The following LASP1 variants were observed in gnomAD, a reference collection of about 807,000 sequenced individuals.
The protein encoded by LASP1 is LIM and SH3 protein 1.
Under a neutral mutation model 38.6 loss-of-function variants are expected in LASP1, and 10 were observed. The observed-to-expected ratio is 0.26, with a 90% CI of 0.16 to 0.44. LASP1 has a LOEUF of 0.44. LASP1 is among the 20% of genes least tolerant of loss of function. The probability of loss-of-function intolerance (pLI) is 1.00; values close to 1 mark genes in which losing one functional copy is unlikely to be tolerated. For missense variants in LASP1, 243 were observed against 375.7 expected (o/e 0.65, Z 2.92); for synonymous variants, 132 against 140.8 (o/e 0.94, Z 0.44).
Position 38,919,066 on chromosome 17 carries a change from T to A in LASP1, c.*288T>A, listed in dbSNP as rs1915222808. 1 of 453,504 alleles carries A rather than the reference T, an allele frequency of 2.2e-6. No homozygotes were observed. Among genetic ancestry groups the A allele is most frequent in the Non-Finnish European group, 4.0e-6 (1 of 248,542 alleles). The allele number at this position is 453,504 out of a possible 1,614,324, so 28.1% of individuals were successfully genotyped here. A position where few individuals can be genotyped will look rare whatever the true frequency, so the allele number is the denominator to read the frequency against. ...CTGGAATGGGAGACCTGTTGGCCTG[T>A]GGGCCTCACCTGCCCCTCTGTTCTC... On this transcript the variant is annotated 3_prime_UTR_variant, in exon 7 of 7. Transcript: ENST00000318008.
At chr17:38,902,183 T>A (rs1325837863) in intron 4 of LASP1, among the ~76,000 whole-genome samples, 2 of 151,880 alleles carry the variant, frequency 1.3e-5, no homozygotes, top group African/African-American at 4.8e-5. Flanking sequence ...CACCTCAGAC[T>A]CCGAGTAGCT....
chr17:38,901,402 C>T (rs1256978634), intron 4 of LASP1, among the ~76,000 whole-genome samples: 3 of 152,236 alleles, frequency 2.0e-5, no homozygotes, highest in Non-Finnish European at 4.4e-5. Context: ...GGATCGACCC[C>T]GACCTGCTAG....
chr17:38,905,616 T>A (rs1189497778), intron 4 of LASP1, among the ~76,000 whole-genome samples: 1 of 151,288 alleles, frequency 6.6e-6, no homozygotes, highest in African/African-American at 2.4e-5. Flanking sequence ...TGATTTACCC[T>A]CCCACCAGCA....
chr17:38,912,350 G>A (rs891236718), intron 4 of LASP1, among the ~76,000 whole-genome samples: 40 of 152,156 alleles, frequency 2.6e-4, no homozygotes, highest in African/African-American at 6.8e-4. Context: ...CAAGGGTGCC[G>A]CAGGGTCAGA....
At chr17:38,884,520 G>A (rs1914054285) in intron 2 of LASP1, among the ~76,000 whole-genome samples, 1 of 151,066 alleles carries the variant, frequency 6.6e-6, no homozygotes, top group African/African-American at 2.4e-5. Context: ...CCCAAGTAGC[G>A]GGGATTACAG....
intron 1 of LASP1, 71 bp from the exon 2 acceptor site, chr17:38,878,015 C>A: frequency 8.4e-7 from 1 of 1,185,796 alleles, no homozygotes; most frequent in Non-Finnish European, 1.3e-6. Context: ...CTGAGTGCCC[C>A]TTCCTAGGGC....
rs756049642 is a variant in LASP1 at position 38,920,507 on chromosome 17, T to G, written c.*1729T>G. The G allele has an allele frequency of 7.6e-6, 2 of 262,528 alleles. No individual in the cohort carries two copies. The highest frequency in any genetic ancestry group is 7.5e-6 in the Non-Finnish European group (1 of 133,864). The allele number at this position is 262,528 out of a possible 1,614,324, so 16.3% of individuals were successfully genotyped here. On this transcript the variant is annotated 3_prime_UTR_variant, in exon 7 of 7. Coordinates refer to ENST00000318008, the MANE Select transcript of LASP1 (RefSeq NM_006148.4). The stretch of plus-strand genomic sequence containing the variant: ...CCCTCTGGGAGTCCCCATCCCATTT[T>G]CATCCTGAGCCCAACCAGGCCCTGC...
At chr17:38,878,257 T>C in intron 2 of LASP1, 77 bp downstream of exon 2, 2 of 945,886 alleles carry the variant, frequency 2.1e-6, no homozygotes. Context: ...TTCCTTCCAA[T>C]AACCGCAAGG....
In LASP1 at chr17:38,921,464, C is replaced by T. The variant is rs2143846955; in HGVS notation, c.*2686C>T. 4.3e-6 allele frequency: 1 copy of T among 232,158 alleles called. No homozygotes were observed. The highest frequency in any genetic ancestry group is 6.1e-5 in the East Asian group (1 of 16,420). 14.4% of individuals were successfully genotyped at this position (232,158 alleles called of 1,614,324 possible). ...TGCACTTTTGGGCCTTTTTTTATAG[C>T]TGGAAAAAACAAAATACCACCCTAC... On this transcript the variant is annotated 3_prime_UTR_variant, in exon 7 of 7. Coordinates refer to ENST00000318008, the MANE Select transcript of LASP1 (RefSeq NM_006148.4).
chr17:38,898,704 C>T, intron 4 of LASP1, 185 bp downstream of exon 4: 1 of 667,212 alleles, frequency 1.5e-6, no homozygotes, highest in South Asian at 1.5e-5. Context: ...TACCCCCAGA[C>T]CACCAGCACG....
At chr17:38,917,121 C>T (rs1028864318) in intron 6 of LASP1, among the ~76,000 whole-genome samples, 2 of 152,062 alleles carry the variant, frequency 1.3e-5, no homozygotes, top group Non-Finnish European at 2.9e-5. Context: ...GGAAGACCAC[C>T]CTGGCAGCTG....
chr17:38,914,527 G>C (rs1269333357), intron 5 of LASP1, 52 bp downstream of exon 5: 9 of 1,539,982 alleles, frequency 5.8e-6, no homozygotes, highest in Non-Finnish European at 7.9e-6. Flanking sequence ...CCAGTGGGGT[G>C]GGGAGGAAGC....
intron 4 of LASP1, among the ~76,000 whole-genome samples, chr17:38,911,712 C>T (rs1160664414): frequency 1.3e-5 from 2 of 152,184 alleles, no homozygotes. Flanking sequence ...GGCTCCCTCC[C>T]CCATAAATAG....
intron 3 of LASP1, among the ~76,000 whole-genome samples, chr17:38,896,402 C>G (rs928629321): frequency 9.9e-5 from 15 of 152,160 alleles, no homozygotes; most frequent in African/African-American, 1.4e-4. Flanking sequence ...CCCTTCTCAG[C>G]CCCTACCCCT....
At chr17:38,906,954 TGGGCTTA>T (rs1417696257) in intron 4 of LASP1, among the ~76,000 whole-genome samples, 5 of 152,172 alleles carry the variant, frequency 3.3e-5, no homozygotes, top group Non-Finnish European at 7.3e-5. Flanking sequence ...CTGACATGTC[TGGGCTTA>T]GGGCGCTCCT....
intron 3 of LASP1, among the ~76,000 whole-genome samples, chr17:38,895,624 G>A (rs1364339344): frequency 6.6e-6 from 1 of 152,076 alleles, no homozygotes; most frequent in Admixed American, 6.6e-5. Context: ...CATAATTTTT[G>A]TTTTTAAGTA....
rs1417182944 is a variant in LASP1, at chr17:38,918,012, C to T, written c.613-593C>T. Among the ~76,000 whole-genome samples, 4 of 152,012 alleles carry T rather than the reference C, an allele frequency of 2.6e-5. No homozygotes were observed. The highest frequency in any genetic ancestry group is 2.1e-4 in the South Asian group (1 of 4,804). On this transcript the variant is annotated intron_variant, in intron 6 of 6. Coordinates refer to ENST00000318008, the MANE Select transcript of LASP1 (RefSeq NM_006148.4). This position sits in a 1 kb window ranked among gnomAD's most constrained non-coding sequence, Gnocchi z 4.4. ...AAAATTAGCCGGGCATGGTGGTACA[C>T]GCTTATAGTCCCAGCTACTTGGGAG...
At chr17:38,902,176 C>G (rs917283991) in intron 4 of LASP1, among the ~76,000 whole-genome samples, 3 of 152,034 alleles carry the variant, frequency 2.0e-5, no homozygotes, top group Non-Finnish European at 2.9e-5. Context: ...ATTCTCCCAC[C>G]TCAGACTCCG....
At position 38,913,729 on chromosome 17, in the gene LASP1, C is replaced by T. The variant is rs146794874; in HGVS notation, c.358-596C>T. 6.9e-3 allele frequency among the ~76,000 whole-genome samples: 1,048 copies of T among 152,274 alleles called. 11 individuals are homozygous for T. The highest frequency in any genetic ancestry group is 0.024 in the African/African-American group (1,005 of 41,566). Reference sequence around the variant, plus strand: ...ATAAAAGTGACCACTTGGCCGGTCACGGTGGCTCACGCCTGTAATCCCAGC... The same window carrying T: ...ATAAAAGTGACCACTTGGCCGGTCATGGTGGCTCACGCCTGTAATCCCAGC... On this transcript the variant is annotated intron_variant, in intron 4 of 6. Coordinates refer to ENST00000318008, the MANE Select transcript of LASP1 (RefSeq NM_006148.4).
Sources: allele counts gnomAD v4.1 joint callset (sites outside exome capture counted in the v4.1 genomes callset), GRCh38; gene constraint gnomAD v4.1.1; non-coding constraint Gnocchi (gnomAD v3.1); transcripts MANE v1.5; gene names NCBI Gene and HGNC (gene_info 2026-07-23, HGNC 2026-07-21).